The following CEPT1 variants were observed in gnomAD, a reference collection of about 807,000 sequenced individuals.
The protein encoded by CEPT1 is choline/ethanolamine phosphotransferase 1, also known as choline/ethanolaminephosphotransferase 1.
CEPT1 carries 7 observed loss-of-function variants against 42.6 expected under a neutral mutation model. The ratio of observed to expected loss-of-function variants is 0.16; its 90% CI spans 0.09 to 0.31. CEPT1 has a LOEUF of 0.31. Among genes scored for constraint, CEPT1 ranks in the 10% least tolerant of loss-of-function variants. CEPT1 has a pLI of 1.00. For synonymous variants in CEPT1, 171 were observed against 171.9 expected, an observed-to-expected ratio of 0.99 and a Z score of 0.04; for missense variants, 306 against 502.1, an observed-to-expected ratio of 0.61 and a Z score of 3.73.
intron 4 of CEPT1, chr1:111,167,669 T>C (rs1041750202): frequency 1.0e-6 from 1 of 981,060 alleles, no homozygotes; most frequent in Non-Finnish European, 1.2e-6. Context: ...CTGCTTGAGT[T>C]TACAGCAGTC....
At position 111,148,003 on chromosome 1, in the gene CEPT1, A is replaced by T. The variant is rs1352616890; in HGVS notation, c.289A>T (p.Ile97Phe). The stretch of plus-strand genomic sequence containing the variant: ...CACCATCATTGGACTGTCAATAAAC[A>T]TCTGTACAACTATTTTATTAGTCTT... The part of the protein sequence containing the change: ...LITIIGLSIN[I>F]CTTILLVFYC... The change falls in exon 2 of 9, where the codon ATC becomes TTC. Residue 97 changes from isoleucine to phenylalanine, a missense_variant. Physicochemically the swap from Ile to Phe is conservative, Grantham distance 21 (BLOSUM62 0). Around this residue, in one of 2 missense-constraint regions of CEPT1, gnomAD observed 253 missense variants for 447.3 expected, o/e 0.57. Coordinates refer to ENST00000357172, the MANE Select transcript of CEPT1 (RefSeq NM_006090.5). 1 of 1,614,226 alleles carries T rather than the reference A, an allele frequency of 6.2e-7. No homozygotes were observed. Among genetic ancestry groups the T allele is most frequent in the Middle Eastern group, 1.6e-4 (1 of 6,062 alleles).
At chr1:111,162,103 A>C (rs1325450876) in intron 4 of CEPT1, among the ~76,000 whole-genome samples, 1 of 152,198 alleles carries the variant, frequency 6.6e-6, no homozygotes, top group African/African-American at 2.4e-5. Flanking sequence ...GAAGATCCAG[A>C]AAATCAAGGT....
At chr1:111,165,034 A>G (rs1191955667) in intron 4 of CEPT1, among the ~76,000 whole-genome samples, 1 of 150,724 alleles carries the variant, frequency 6.6e-6, no homozygotes, top group Non-Finnish European at 1.5e-5. Flanking sequence ...TACTTACATA[A>G]AACATCGGTC....
At chr1:111,170,235 C>T (rs1557936642) in intron 4 of CEPT1, among the ~76,000 whole-genome samples, 1 of 152,022 alleles carries the variant, frequency 6.6e-6, no homozygotes, top group Non-Finnish European at 1.5e-5. Context: ...AATTTAAGAC[C>T]TATACTCTAC....
At chr1:111,168,795 C>A (rs1319608881) in intron 4 of CEPT1, among the ~76,000 whole-genome samples, 1 of 152,158 alleles carries the variant, frequency 6.6e-6, no homozygotes, top group Non-Finnish European at 1.5e-5. Context: ...TATTCAGTGG[C>A]AGTAATGATG....
intron 2 of CEPT1, among the ~76,000 whole-genome samples, chr1:111,158,495 T>G (rs1233677039): frequency 6.6e-6 from 1 of 152,196 alleles, no homozygotes; most frequent in Non-Finnish European, 1.5e-5. Flanking sequence ...TATCATTTCC[T>G]AGTGTTATTT....
upstream of CEPT1, chr1:111,140,107 A>C (rs1021725749): frequency 7.3e-5 from 11 of 151,252 alleles, no homozygotes; most frequent in African/African-American, 2.4e-4. Context: ...GGGCTGGGCC[A>C]CGGGGCGCGC....
At chr1:111,169,584 G>GTATA (rs565375623) in intron 4 of CEPT1, among the ~76,000 whole-genome samples, 13 of 152,014 alleles carry the variant, frequency 8.6e-5, no homozygotes, top group Non-Finnish European at 1.8e-4. Flanking sequence ...TGTTTTCTCT[G>GTATA]TATATACTGT....
intron 4 of CEPT1, chr1:111,167,967 A>C: frequency 4.6e-6 from 1 of 218,900 alleles, no homozygotes; most frequent in Non-Finnish European, 7.7e-6. Flanking sequence ...GTCATAGGTC[A>C]CTGCAGCCTT....
At chr1:111,179,594 G>A (rs903859432) in intron 5 of CEPT1, 2 of 152,182 alleles carry the variant, frequency 1.3e-5, no homozygotes, top group African/African-American at 4.8e-5. Context: ...GCAACACTTT[G>A]TGTTTTTTAT....
At chr1:111,157,753 C>T (rs1025082945) in intron 2 of CEPT1, among the ~76,000 whole-genome samples, 2 of 151,978 alleles carry the variant, frequency 1.3e-5, no homozygotes, top group Admixed American at 6.6e-5. Context: ...TCTTAAAAGA[C>T]GGAACTCAAA....
chr1:111,156,766 A>T (rs537038544), intron 2 of CEPT1, among the ~76,000 whole-genome samples: 1 of 152,144 alleles, frequency 6.6e-6, no homozygotes, highest in Admixed American at 6.5e-5. Flanking sequence ...AAAGAAAAAA[A>T]TTACTCTTGT....
At chr1:111,175,751 A>G (rs776266068) in intron 5 of CEPT1, among the ~76,000 whole-genome samples, 8 of 152,190 alleles carry the variant, frequency 5.3e-5, no homozygotes, top group East Asian at 1.9e-4. Context: ...ACTCAATAAA[A>G]GTTGTTGCTG....
chr1:111,156,387 G>A (rs186679001), intron 2 of CEPT1, among the ~76,000 whole-genome samples: 58 of 152,316 alleles, frequency 3.8e-4, no homozygotes, highest in African/African-American at 1.3e-3. Flanking sequence ...TGCAGCTATG[G>A]AATGAAATGT....
At chr1:111,142,373 C>G (rs916022692) in intron 1 of CEPT1, among the ~76,000 whole-genome samples, 2 of 152,172 alleles carry the variant, frequency 1.3e-5, no homozygotes, top group African/African-American at 2.4e-5. Flanking sequence ...CCACCCTCCC[C>G]TTTTTGAGTT....
intron 2 of CEPT1, among the ~76,000 whole-genome samples, chr1:111,154,505 C>G (rs557700464): frequency 4.6e-5 from 7 of 152,054 alleles, no homozygotes; most frequent in Non-Finnish European, 1.0e-4. Flanking sequence ...TTTAATTACT[C>G]TAGCTGGGAC....
intron 4 of CEPT1, among the ~76,000 whole-genome samples, chr1:111,164,521 T>C (rs889363679): frequency 1.2e-4 from 18 of 152,202 alleles, no homozygotes; most frequent in Non-Finnish European, 2.2e-4. Flanking sequence ...ATTTATATCT[T>C]AAATTATACT....
intron 2 of CEPT1, among the ~76,000 whole-genome samples, chr1:111,153,640 C>G (rs1444390877): frequency 6.6e-6 from 1 of 152,114 alleles, no homozygotes; most frequent in Non-Finnish European, 1.5e-5. Context: ...TGAGTTGATT[C>G]TTGAATATAG....
upstream of CEPT1, chr1:111,140,156 C>T (rs1233704063): frequency 6.6e-6 from 1 of 152,266 alleles, no homozygotes; most frequent in Admixed American, 6.5e-5. Flanking sequence ...GCGCTCACGG[C>T]ACCGAGGAGC....
Sources: gnomAD v4.1 joint callset for allele counts (sites outside exome capture counted in the v4.1 genomes callset) on GRCh38, gnomAD v4.1.1 for gene constraint, gnomAD v4.1.1 regional missense constraint, MANE v1.5 for transcripts, NCBI Gene and HGNC (gene_info 2026-07-23, HGNC 2026-07-21) for gene names.